CD72: variants seen among roughly 807,000 people sequenced by gnomAD.
CD72 encodes the protein B-cell differentiation antigen CD72.
Under a neutral mutation model 50.7 loss-of-function variants are expected in CD72, and 28 were observed. The observed-to-expected ratio is 0.55, with a 90% CI of 0.41 to 0.76. The LOEUF (loss-of-function observed/expected upper bound fraction) is 0.76. CD72 is among the 30% of genes least tolerant of loss of function. The probability of loss-of-function intolerance (pLI) is 0.00; values close to 1 mark genes in which losing one functional copy is unlikely to be tolerated. For synonymous variants in CD72, 176 were observed against 171.2 expected (o/e 1.03, Z -0.22); for missense variants, 403 against 420.6 (o/e 0.96, Z 0.37).
At chr9:35,624,560 C>T (rs190019844) in intron 1 of CD72, among the ~76,000 whole-genome samples, 2 of 152,212 alleles carry the variant, frequency 1.3e-5, no homozygotes, top group East Asian at 1.9e-4. Flanking sequence ...GGTGACTGAA[C>T]CTGATTGCCT....
At chr9:35,640,545 C>T (rs1400482546) in intron 1 of CD72, among the ~76,000 whole-genome samples, 1 of 152,242 alleles carries the variant, frequency 6.6e-6, no homozygotes, top group Non-Finnish European at 1.5e-5. Flanking sequence ...CTTAGCCGTG[C>T]AAGAACAATG....
chr9:35,631,912 T>C (rs970954045), intron 1 of CD72, among the ~76,000 whole-genome samples: 1 of 151,698 alleles, frequency 6.6e-6, no homozygotes, highest in African/African-American at 2.4e-5. Context: ...AATAAATAAA[T>C]AAAAATAAAT....
chr9:35,615,872 T>A, intron 5 of CD72, 71 bp downstream of exon 5: 1 of 1,257,864 alleles, frequency 7.9e-7, no homozygotes, highest in Non-Finnish European at 1.1e-6. Context: ...CCCTGGGTGA[T>A]AGACTCCTGC....
At chr9:35,635,893 C>A (rs1024366602) in intron 1 of CD72, among the ~76,000 whole-genome samples, 3 of 152,094 alleles carry the variant, frequency 2.0e-5, no homozygotes, top group Admixed American at 6.5e-5. Context: ...GAATGGAGAA[C>A]CTCACTAGAG....
chr9:35,633,704 G>A (rs1230799037), intron 1 of CD72, among the ~76,000 whole-genome samples: 3 of 151,980 alleles, frequency 2.0e-5, no homozygotes, highest in East Asian at 1.9e-4. Context: ...CCCCCAGCCC[G>A]TAACTTAAAT....
At chr9:35,625,120 G>T (rs1050580148) in intron 1 of CD72, among the ~76,000 whole-genome samples, 1 of 152,222 alleles carries the variant, frequency 6.6e-6, no homozygotes, top group African/African-American at 2.4e-5. Flanking sequence ...AGGTTAGTGA[G>T]GAAGGCATGT....
At chr9:35,641,223 G>C (rs1291214095) in intron 1 of CD72, among the ~76,000 whole-genome samples, 1 of 152,192 alleles carries the variant, frequency 6.6e-6, no homozygotes, top group East Asian at 1.9e-4. Flanking sequence ...ATCGGAGCAT[G>C]GGCTAGCAGG....
chr9:35,635,969 A>G (rs538443897), intron 1 of CD72, among the ~76,000 whole-genome samples: 2 of 152,226 alleles, frequency 1.3e-5, no homozygotes, highest in South Asian at 4.2e-4. Flanking sequence ...AGTCACCAAA[A>G]CACTTAAAGC....
intron 1 of CD72, 44 bp downstream of exon 1, chr9:35,618,178 G>A: frequency 1.2e-6 from 2 of 1,606,680 alleles, no homozygotes; most frequent in Non-Finnish European, 8.5e-7. Flanking sequence ...CTGTGGGGCG[G>A]GAAGTGGGGA....
At chr9:35,637,456 C>T (rs1823301660) in intron 1 of CD72, among the ~76,000 whole-genome samples, 1 of 152,198 alleles carries the variant, frequency 6.6e-6, no homozygotes, top group African/African-American at 2.4e-5. Flanking sequence ...ACCAACCAGC[C>T]CAAGGAACAT....
In CD72 at chr9:35,632,616, G is replaced by A. The variant is rs145190685; in HGVS notation, n.408+13787C>T. On this transcript the variant is annotated intron_variant and non_coding_transcript_variant, in intron 1 of 3. Coordinates refer to the CD72 transcript ENST00000465754. The stretch of plus-strand genomic sequence containing the variant: ...TTTCGAGAGGGAGCCTTACTCTGTC[G>A]CCCAGGCTGGAGTGCAGTGGCACCA... 2.2e-3 allele frequency among the ~76,000 whole-genome samples: 304 copies of A among 136,686 alleles called. 1 individual carries two copies. The highest frequency in any genetic ancestry group is 4.4e-3 in the Middle Eastern group (1 of 226). 89.7% of individuals were successfully genotyped at this position (136,686 alleles called of 152,430 possible). A position where few individuals can be genotyped will look rare whatever the true frequency, so the allele number is the denominator to read the frequency against.
At chr9:35,616,506 G>T in intron 4 of CD72, 94 bp downstream of exon 4, 1 of 1,094,886 alleles carries the variant, frequency 9.1e-7, no homozygotes, top group South Asian at 1.3e-5. Context: ...TGGTGGTAGT[G>T]ACTATGATCC....
intron 5 of CD72, among the ~76,000 whole-genome samples, chr9:35,615,499 C>T (rs755666677): frequency 6.6e-6 from 1 of 152,138 alleles, no homozygotes; most frequent in African/African-American, 2.4e-5. Context: ...CCTTGCCCCA[C>T]CACCAGGTTG....
intron 1 of CD72, among the ~76,000 whole-genome samples, chr9:35,629,321 T>G (rs1029879178): frequency 2.0e-5 from 3 of 152,188 alleles, no homozygotes; most frequent in Non-Finnish European, 4.4e-5. Flanking sequence ...AGAATTTTAT[T>G]TTGAAACATT....
chr9:35,636,871 G>T (rs991470239), intron 1 of CD72, among the ~76,000 whole-genome samples: 2 of 152,182 alleles, frequency 1.3e-5, no homozygotes, highest in Non-Finnish European at 2.9e-5. Context: ...GACCTGCACG[G>T]ATACATCCAG....
At position 35,616,186 on chromosome 9, in the gene CD72, G is replaced by A. The variant is rs1382363620; in HGVS notation, c.445C>T (p.Gln149Ter). Residue 149 changes from glutamine to a stop codon, truncating the protein, a stop_gained, in exon 5 of 9, where the codon CAG (glutamine) becomes TAG (stop). Transcript: ENST00000259633. LOFTEE classifies it high-confidence loss of function. ...AGATCCTCTGCACTCTGTCCCAGCT[G>A]CGTTATCTTGAGGCGGAGCTGCTGC... ...LRQQLRLKIT[Q>*]LGQSAEDLQG... 6.2e-7 allele frequency: 1 copy of A among 1,614,084 alleles called. No homozygotes were observed. The highest frequency in any genetic ancestry group is 8.5e-7 in the Non-Finnish European group (1 of 1,179,996).
intron 1 of CD72, among the ~76,000 whole-genome samples, chr9:35,626,214 T>C (rs909499902): frequency 8.6e-5 from 13 of 151,584 alleles, no homozygotes; most frequent in African/African-American, 2.9e-4. Context: ...TTGGAAGAAC[T>C]TGATTTCAAC....
At chr9:35,626,780 T>C (rs149104124) in intron 1 of CD72, among the ~76,000 whole-genome samples, 11 of 152,210 alleles carry the variant, frequency 7.2e-5, no homozygotes, top group African/African-American at 2.7e-4. Context: ...AGGTATTTTT[T>C]AATTAAGGTA....
intron 1 of CD72, among the ~76,000 whole-genome samples, chr9:35,645,471 A>G (rs1480890244): frequency 2.6e-5 from 4 of 152,074 alleles, no homozygotes; most frequent in Non-Finnish European, 4.4e-5. Context: ...AGTCCCAGCT[A>G]CTAGGGAGGC....
Sources: gnomAD v4.1 joint callset for allele counts (sites outside exome capture counted in the v4.1 genomes callset) on GRCh38, gnomAD v4.1.1 for gene constraint, MANE v1.5 for transcripts, NCBI Gene and HGNC (gene_info 2026-07-23, HGNC 2026-07-21) for gene names.